The following PUDP variants were observed in gnomAD, a reference collection of about 807,000 sequenced individuals.
PUDP encodes the protein pseudouridine-5'-phosphatase.
In PUDP, 8 loss-of-function variants were observed where a neutral mutation model predicts 9.4. The ratio of observed to expected loss-of-function variants is 0.85; its 90% CI spans 0.50 to 1.53. PUDP has a LOEUF of 1.53. Ranked by LOEUF, PUDP falls within the 40% of genes most tolerant of loss-of-function variation. PUDP has a pLI of 0.00. For synonymous variants in PUDP, 99 were observed against 80.7 expected (o/e 1.23, Z -1.22); for missense variants, 188 against 189.7 (o/e 0.99, Z 0.05).
chrX:6,832,378 G>C (rs1314829793), intron 3 of PUDP, among the ~76,000 whole-genome samples: 1 of 112,103 alleles, frequency 8.9e-6, no homozygotes. Flanking sequence ...CTCTACTTTG[G>C]ACCTACAAAG....
At chrX:6,971,426 T>C (rs1321480275) in intron 3 of PUDP, among the ~76,000 whole-genome samples, 2 of 107,110 alleles carry the variant, frequency 1.9e-5, no homozygotes, top group African/African-American at 6.8e-5. Flanking sequence ...CTTTTCTTTT[T>C]TTTTTTTTGA....
intron 3 of PUDP, among the ~76,000 whole-genome samples, chrX:6,888,612 T>C (rs1927465670): frequency 9.0e-6 from 1 of 110,933 alleles, no homozygotes; most frequent in South Asian, 3.9e-4. Flanking sequence ...ATTTCACCAC[T>C]GCACTCCAGC....
intron 1 of PUDP, among the ~76,000 whole-genome samples, chrX:7,122,708 A>G (rs1932377056): frequency 8.9e-6 from 1 of 111,947 alleles, no homozygotes; most frequent in Admixed American, 9.5e-5. Context: ...CTGTGTGGAT[A>G]CAGCTGGCTC....
intron 3 of PUDP, among the ~76,000 whole-genome samples, chrX:6,822,613 G>A (rs921105764): frequency 1.2e-4 from 13 of 111,159 alleles, no homozygotes; most frequent in African/African-American, 4.2e-4. Context: ...TTTTAGTAGA[G>A]ACGGGGTTTC....
At chrX:7,125,214 C>T (rs781169650) in intron 1 of PUDP, among the ~76,000 whole-genome samples, 92 of 111,302 alleles carry the variant, frequency 8.3e-4, no homozygotes, top group African/African-American at 2.0e-3. Flanking sequence ...GCTAGGCCTT[C>T]GTTATTGCTA....
chrX:7,065,339 G>T (rs1383139878), intron 3 of PUDP, among the ~76,000 whole-genome samples: 1 of 112,013 alleles, frequency 8.9e-6, no homozygotes, highest in East Asian at 2.8e-4. Flanking sequence ...CTTAAGGGGA[G>T]AGTTAGCGCA....
At chrX:6,746,363 A>G (rs1924999189) in intron 3 of PUDP, among the ~76,000 whole-genome samples, 1 of 112,214 alleles carries the variant, frequency 8.9e-6, no homozygotes, top group South Asian at 3.7e-4. Flanking sequence ...GTGACCAGAG[A>G]CTGGGCACTA....
chrX:6,962,235 T>TA (rs35990736), intron 3 of PUDP, among the ~76,000 whole-genome samples: 5 of 109,078 alleles, frequency 4.6e-5, no homozygotes, highest in African/African-American at 6.6e-5. Flanking sequence ...CCTCTGAGGT[T>TA]AAAAAAAAAG....
intron 3 of PUDP, among the ~76,000 whole-genome samples, chrX:6,739,522 C>T (rs187935970): frequency 8.0e-4 from 89 of 111,166 alleles, no homozygotes; most frequent in Non-Finnish European, 9.1e-4. Context: ...GTGTGTGTGT[C>T]GGGGGTGCTG....
chrX:6,958,849 C>T (rs1928667461), intron 3 of PUDP, among the ~76,000 whole-genome samples: 1 of 110,555 alleles, frequency 9.0e-6, no homozygotes, highest in Non-Finnish European at 1.9e-5. Context: ...TCCTTTTTAC[C>T]AAGTGGCAAA....
At chrX:6,836,813 G>A (rs1372385063) in intron 3 of PUDP, among the ~76,000 whole-genome samples, 1 of 111,924 alleles carries the variant, frequency 8.9e-6, no homozygotes, top group Non-Finnish European at 1.9e-5. Flanking sequence ...CTTCCCTACA[G>A]TCTACACTGG....
chrX:6,765,068 A>G (rs1242340168), intron 3 of PUDP, among the ~76,000 whole-genome samples: 1 of 107,870 alleles, frequency 9.3e-6, no homozygotes, highest in African/African-American at 3.4e-5. Context: ...GGAGTTTGAC[A>G]CCAGCCTGGG....
chrX:6,768,485 C>T (rs1426254218), intron 3 of PUDP, among the ~76,000 whole-genome samples: 1 of 111,964 alleles, frequency 8.9e-6, no homozygotes, highest in Non-Finnish European at 1.9e-5. Context: ...ATTTCGGACT[C>T]AGGATTGTAG....
At chrX:7,088,565 C>G (rs191671084) in intron 2 of PUDP, among the ~76,000 whole-genome samples, 2 of 112,069 alleles carry the variant, frequency 1.8e-5, no homozygotes, top group Admixed American at 1.9e-4. Context: ...CTCACTATAG[C>G]ATGGTGTACT....
At chrX:6,942,827 C>A (rs1928416849) in intron 3 of PUDP, among the ~76,000 whole-genome samples, 1 of 111,670 alleles carries the variant, frequency 9.0e-6, no homozygotes, top group South Asian at 3.8e-4. Flanking sequence ...CGTGGTGTAG[C>A]CCCAAGCCAA....
chrX:6,854,148 T>G (rs6639689), intron 3 of PUDP, among the ~76,000 whole-genome samples: 46,620 of 110,428 alleles, frequency 0.42, 8,651 homozygotes, highest in Non-Finnish European at 0.57. Context: ...ATATTCCATC[T>G]CCTTTAGTTT....
At chrX:6,925,305 G>T (rs1431413253) in intron 3 of PUDP, among the ~76,000 whole-genome samples, 1 of 111,846 alleles carries the variant, frequency 8.9e-6, no homozygotes, top group Non-Finnish European at 1.9e-5. Flanking sequence ...ATAAGCCAGG[G>T]ATAACATTTC....
intron 3 of PUDP, among the ~76,000 whole-genome samples, chrX:6,753,874 A>C (rs1399003332): frequency 3.6e-5 from 4 of 111,819 alleles, no homozygotes; most frequent in Non-Finnish European, 7.5e-5. Flanking sequence ...TCTAGATAAT[A>C]ATCCTTTGTC....
chrX:6,762,327 A>G (rs1296569943), intron 3 of PUDP, among the ~76,000 whole-genome samples: 1 of 112,792 alleles, frequency 8.9e-6, no homozygotes, highest in Non-Finnish European at 1.9e-5. Flanking sequence ...TTTTCTGTTG[A>G]AAACATCACA....
Sources: gnomAD v4.1 joint callset for allele counts (sites outside exome capture counted in the v4.1 genomes callset) on GRCh38, gnomAD v4.1.1 for gene constraint, MANE v1.5 for transcripts, NCBI Gene and HGNC (gene_info 2026-07-23, HGNC 2026-07-21) for gene names.